Variants in OR51B6 observed in about 807,000 individuals in gnomAD.
The protein encoded by OR51B6 is olfactory receptor 51B6.
For synonymous variants in OR51B6, 154 were observed against 137.3 expected (o/e 1.12, Z -0.85); for missense variants, 502 against 382.2 (o/e 1.31, Z -2.61).
In OR51B6 at chr11:5,352,327, A is replaced by G; in HGVS notation, c.820A>G (p.Met274Val). The change falls in exon 1 of 1, where the codon ATG (methionine) becomes GTG (valine). Residue 274 changes from methionine to valine, a missense_variant. Transcript: ENST00000380219. The stretch of plus-strand genomic sequence containing the variant: ...TGTTCCTCATGTCGTTCACATCACA[A>G]TGAGCTACATCCACTTCCTTTTCCC... ...KHVPHVVHIT[M>V]SYIHFLFPPF... The G allele has an allele frequency of 3.1e-6, 5 of 1,613,960 alleles. No homozygotes were observed. The highest frequency in any genetic ancestry group is 1.3e-5 in the African/African-American group (1 of 75,054).
chr11:5,351,990 A>ACACTGG lies in OR51B6; in HGVS notation c.484_489dup (p.His162_Trp163dup). On this transcript the variant is annotated inframe_insertion, in exon 1 of 1. Transcript: ENST00000380219. The stretch of plus-strand genomic sequence containing the variant: ...CCATTATGCCAATAGTTGTTCGCCT[A>ACACTGG]CACTGGTTTCCCTACTGTCGATCCC... 1 of 1,613,524 alleles carries ACACTGG rather than the reference A, an allele frequency of 6.2e-7. No homozygotes were observed. Among genetic ancestry groups the ACACTGG allele is most frequent in the African/African-American group, 1.3e-5 (1 of 75,018 alleles).
chr11:5,352,302 T>C lies in OR51B6; in HGVS notation c.795T>C (p.His265=). The change falls in exon 1 of 1, where the codon CAT becomes CAC. Residue 265 remains histidine, a synonymous_variant. Coordinates refer to ENST00000380219, the MANE Select transcript of OR51B6 (RefSeq NM_001004750.1). ...CLTFIHRFGK[H]VPHVVHITMS... Reference sequence around the variant, plus strand: ...CATTTATTCATAGGTTTGGAAAGCATGTTCCTCATGTCGTTCACATCACAA... The same window carrying C: ...CATTTATTCATAGGTTTGGAAAGCACGTTCCTCATGTCGTTCACATCACAA... The C allele has an allele frequency of 6.2e-7, 1 of 1,614,208 alleles. No individual in the cohort carries two copies. The highest frequency in any genetic ancestry group is 8.5e-7 in the Non-Finnish European group (1 of 1,180,000).
rs1564916187 is a variant in OR51B6 at position 5,351,895 on chromosome 11, T to C, written c.388T>C (p.Tyr130His). ...CFITIRSPLR[Y>H]TSILTNTQVM... The stretch of plus-strand genomic sequence containing the variant: ...CATTACCATCCGCAGCCCCTTAAGA[T>C]ATACCTCTATCCTGACCAACACCCA... Residue 130 changes from tyrosine to histidine, a missense_variant, in exon 1 of 1, where the codon TAT (tyrosine) becomes CAT (histidine). Tyr to His is a moderately conservative substitution (Grantham distance 83, BLOSUM62 2). Transcript: ENST00000380219. 6.2e-7 allele frequency: 1 copy of C among 1,613,172 alleles called. No individual in the cohort carries two copies. The highest frequency in any genetic ancestry group is 2.2e-5 in the East Asian group (1 of 44,874).
Position 5,351,958 on chromosome 11 carries a change from G to C in OR51B6, c.451G>C (p.Gly151Arg). 1.2e-6 allele frequency: 2 copies of C among 1,612,914 alleles called. No individual in the cohort carries two copies. Among genetic ancestry groups the C allele is most frequent in the Non-Finnish European group, 1.7e-6 (2 of 1,178,988 alleles). Reference protein sequence around the residue: ...KIGVRVLTRAGLSIMPIVVRL... With the variant: ...KIGVRVLTRARLSIMPIVVRL... ...TGGTGTGCGGGTATTGACAAGGGCT[G>C]GTCTGTCCATTATGCCAATAGTTGT... The change falls in exon 1 of 1, where the codon GGT (glycine) becomes CGT (arginine). Residue 151 changes from glycine (G) to arginine (R), a missense_variant. Gly to Arg is a moderately radical substitution (Grantham distance 125). Coordinates refer to ENST00000380219, the MANE Select transcript of OR51B6 (RefSeq NM_001004750.1).
Position 5,352,398 on chromosome 11 carries a change from T to G in OR51B6, c.891T>G (p.Ile297Met). Residue 297 changes from isoleucine to methionine, a missense_variant, in exon 1 of 1, where the codon ATT becomes ATG. Transcript: ENST00000380219. ...PFIYSIKTKQ[I>M]QSGILRLFSL... ...TCTATAGCATTAAAACTAAGCAGAT[T>G]CAGAGTGGCATACTTCGTTTATTCT... 1 of 1,612,488 alleles carries G rather than the reference T, an allele frequency of 6.2e-7. No individual in the cohort carries two copies. Among genetic ancestry groups the G allele is most frequent in the South Asian group, 1.1e-5 (1 of 90,990 alleles).
In OR51B6 at chr11:5,351,838, G is replaced by T; in HGVS notation, c.331G>T (p.Gly111Cys). The change falls in exon 1 of 1, where the codon GGT becomes TGT. Residue 111 changes from glycine (G) to cysteine (C), a missense_variant. Coordinates refer to ENST00000380219, the MANE Select transcript of OR51B6 (RefSeq NM_001004750.1). ...FIHTLSVMES[G>C]VLLAMAYDCF... The stretch of plus-strand genomic sequence containing the variant: ...CCATACTCTTTCTGTCATGGAGTCA[G>T]GTGTCTTGCTTGCCATGGCTTATGA... 1 of 1,613,966 alleles carries T rather than the reference G, an allele frequency of 6.2e-7. No individual in the cohort carries two copies.
rs1589947164 is a variant in OR51B6, at chr11:5,351,537, C to G, written c.30C>G (p.Phe10Leu). The G allele has an allele frequency of 1.9e-6, 3 of 1,613,448 alleles. No homozygotes were observed. Among genetic ancestry groups the G allele is most frequent in the Non-Finnish European group, 8.5e-7 (1 of 1,179,690 alleles). The change falls in exon 1 of 1, where the codon TTC (phenylalanine) becomes TTG (leucine). Residue 10 changes from phenylalanine (F) to leucine (L), a missense_variant. Transcript: ENST00000380219. MGLNKSAST[F>L]QLTGFPGMEK... ...GGCTCAATAAGTCTGCTTCCACCTT[C>G]CAGCTTACTGGCTTCCCAGGCATGG...
Position 5,352,194 on chromosome 11 carries a change from A to G in OR51B6, c.687A>G (p.Gly229=). The G allele has an allele frequency of 6.2e-7, 1 of 1,614,098 alleles. No homozygotes were observed. The highest frequency in any genetic ancestry group is 8.5e-7 in the Non-Finnish European group (1 of 1,179,984). ...AGACTGTCATGGGCATTGGTTCTGG[A>G]GGAGAAAGGGCCAAGGCCCTCAACA... ...ILKTVMGIGS[G]GERAKALNTC... Residue 229 remains glycine, a synonymous_variant, in exon 1 of 1, where the codon GGA becomes GGG. Transcript: ENST00000380219.
Position 5,352,010 on chromosome 11 carries a change from G to C in OR51B6, c.503G>C (p.Arg168Pro). The change falls in exon 1 of 1, where the codon CGA becomes CCA. Residue 168 changes from arginine to proline, a missense_variant. Transcript: ENST00000380219. ...VVRLHWFPYC[R>P]SHVLSHAFCL... ...CGCCTACACTGGTTTCCCTACTGTC[G>C]ATCCCATGTACTCTCCCATGCTTTC... 1 of 1,613,624 alleles carries C rather than the reference G, an allele frequency of 6.2e-7. No homozygotes were observed. The highest frequency in any genetic ancestry group is 8.5e-7 in the Non-Finnish European group (1 of 1,179,648).
In OR51B6 at chr11:5,351,626, A is replaced by G. The variant is rs4910756; in HGVS notation, c.119A>G (p.Asn40Ser). The change falls in exon 1 of 1, where the codon AAT (asparagine) becomes AGT (serine). Residue 40 changes from asparagine to serine, a missense_variant. Transcript: ENST00000380219. Reference sequence around the variant, plus strand: ...GCCTACATCTCCATACTTCTTGGCAATGGCACTCTTCTCTTTCTCATCAGG... The same window carrying G: ...GCCTACATCTCCATACTTCTTGGCAGTGGCACTCTTCTCTTTCTCATCAGG... ...LAAYISILLGNGTLLFLIRND... is the reference protein window; with the variant it reads ...LAAYISILLGSGTLLFLIRND... The G allele has an allele frequency of 0.19, 313,281 of 1,613,622 alleles. 32,242 individuals are homozygous for G. Among genetic ancestry groups the G allele is most frequent in the African/African-American group, 0.21 (15,797 of 74,938 alleles).
chr11:5,352,105 G>C lies in OR51B6; in HGVS notation c.598G>C (p.Val200Leu), dbSNP rs768274501. 6.2e-7 allele frequency: 1 copy of C among 1,614,120 alleles called. No homozygotes were observed. The highest frequency in any genetic ancestry group is 1.1e-5 in the South Asian group (1 of 91,080). Residue 200 changes from valine (V) to leucine (L), a missense_variant, in exon 1 of 1, where the codon GTT (valine) becomes CTT (leucine). Val to Leu is a conservative substitution (Grantham distance 32). Coordinates refer to ENST00000380219, the MANE Select transcript of OR51B6 (RefSeq NM_001004750.1). ...CTTCAACCGTCTCTATCCAGTTGTA[G>C]TTTTATTTGCAATGGTCTTGTTGGA... Reference protein sequence around the residue: ...ITFNRLYPVVVLFAMVLLDFL... With the variant: ...ITFNRLYPVVLLFAMVLLDFL...
Position 5,351,995 on chromosome 11 carries a change from G to T in OR51B6, c.488G>T (p.Trp163Leu), listed in dbSNP as rs1187337780. Residue 163 changes from tryptophan to leucine, a missense_variant, in exon 1 of 1, where the codon TGG (tryptophan) becomes TTG (leucine). Coordinates refer to ENST00000380219, the MANE Select transcript of OR51B6 (RefSeq NM_001004750.1). Reference sequence around the variant, plus strand: ...ATGCCAATAGTTGTTCGCCTACACTGGTTTCCCTACTGTCGATCCCATGTA... The same window carrying T: ...ATGCCAATAGTTGTTCGCCTACACTTGTTTCCCTACTGTCGATCCCATGTA... The part of the protein sequence containing the change: ...SIMPIVVRLH[W>L]FPYCRSHVLS... 6.2e-7 allele frequency: 1 copy of T among 1,613,406 alleles called. No individual in the cohort carries two copies. Among genetic ancestry groups the T allele is most frequent in the African/African-American group, 1.3e-5 (1 of 74,886 alleles).
chr11:5,351,634 C>T lies in OR51B6; in HGVS notation c.127C>T (p.Leu43Phe), dbSNP rs753261090. The T allele has an allele frequency of 3.7e-6, 6 of 1,614,090 alleles. No individual in the cohort carries two copies. The South Asian group carries it at 6.6e-5, about 18-fold the overall frequency. Residue 43 changes from leucine (L) to phenylalanine (F), a missense_variant, in exon 1 of 1, where the codon CTT becomes TTT. By Grantham distance (22) the Leu-to-Phe change is conservative. Transcript: ENST00000380219. ...CTCCATACTTCTTGGCAATGGCACTCTTCTCTTTCTCATCAGGAATGATCA... is the reference window on the plus strand; with the variant it reads ...CTCCATACTTCTTGGCAATGGCACTTTTCTCTTTCTCATCAGGAATGATCA... ...YISILLGNGT[L>F]LFLIRNDHNL...
In OR51B6 at chr11:5,351,904, AT is replaced by A; in HGVS notation, c.398del (p.Ile133ThrfsTer2). ...TIRSPLRYTSILTNTQVMKIG... is the reference protein window; with the variant it reads ...TIRSPLRYTSXLTNTQVMKIG... ...CCGCAGCCCCTTAAGATATACCTCT[AT>A]CCTGACCAACACCCAGGTAATGAAG... On this transcript the variant is annotated frameshift_variant, in exon 1 of 1. Coordinates refer to ENST00000380219, the MANE Select transcript of OR51B6 (RefSeq NM_001004750.1). LOFTEE classifies it low-confidence loss of function (END_TRUNC). 6.2e-7 allele frequency: 1 copy of A among 1,613,178 alleles called. No homozygotes were observed. The highest frequency in any genetic ancestry group is 8.5e-7 in the Non-Finnish European group (1 of 1,179,192).
Position 5,352,441 on chromosome 11 carries a change from G to A in OR51B6, c.934G>A (p.Ala312Thr). Residue 312 changes from alanine to threonine, a missense_variant, in exon 1 of 1, where the codon GCA (alanine) becomes ACA (threonine). Transcript: ENST00000380219. ...LRLFSLPHSR[A>T] ...TTTATTCTCTCTGCCTCACTCTAGA[G>A]CATGACATTGTTTCACTGGTCTCTG... The A allele has an allele frequency of 6.4e-7, 1 of 1,574,692 alleles. No homozygotes were observed. Among genetic ancestry groups the A allele is most frequent in the Non-Finnish European group, 8.7e-7 (1 of 1,155,178 alleles).
rs201384979 is a variant in OR51B6 at position 5,351,746 on chromosome 11, T to C, written c.239T>C (p.Leu80Pro). 7.3e-5 allele frequency: 117 copies of C among 1,613,766 alleles called. No homozygotes were observed. Among genetic ancestry groups the C allele is most frequent in the Non-Finnish European group, 2.5e-6 (3 of 1,179,836 alleles). ...GVTLTTMPTV[L>P]GVLWLDHREI... Reference sequence around the variant, plus strand: ...ACATTGACCACAATGCCCACAGTGCTAGGTGTTCTGTGGTTAGATCACAGG... The same window carrying C: ...ACATTGACCACAATGCCCACAGTGCCAGGTGTTCTGTGGTTAGATCACAGG... Residue 80 changes from leucine (L) to proline (P), a missense_variant, in exon 1 of 1, where the codon CTA becomes CCA. Leu to Pro is a moderately conservative substitution (Grantham distance 98). Transcript: ENST00000380219.
Position 5,352,415 on chromosome 11 carries a change from G to A in OR51B6, c.908G>A (p.Arg303His), listed in dbSNP as rs180742146. The A allele has an allele frequency of 3.6e-4, 574 of 1,608,456 alleles. 3 individuals are homozygous for A. The East Asian group carries it at 0.01, about 29-fold the overall frequency. The change falls in exon 1 of 1, where the codon CGT (arginine) becomes CAT (histidine). Residue 303 changes from arginine (R) to histidine (H), a missense_variant. Physicochemically the swap from Arg to His is conservative, Grantham distance 29. Transcript: ENST00000380219. The part of the protein sequence containing the change: ...KTKQIQSGIL[R>H]LFSLPHSRA ...AAGCAGATTCAGAGTGGCATACTTC[G>A]TTTATTCTCTCTGCCTCACTCTAGA...
Position 5,351,562 on chromosome 11 carries a change from G to T in OR51B6, c.55G>T (p.Glu19Ter). Residue 19 changes from glutamate to a stop codon, truncating the protein, a stop_gained, in exon 1 of 1, where the codon GAG becomes TAG. Transcript: ENST00000380219. LOFTEE classifies it low-confidence loss of function (END_TRUNC). ...CCAGCTTACTGGCTTCCCAGGCATGGAGAAGGCACATCACTGGATATTCAT... is the reference window on the plus strand; with the variant it reads ...CCAGCTTACTGGCTTCCCAGGCATGTAGAAGGCACATCACTGGATATTCAT... ...TFQLTGFPGM[E>*]KAHHWIFIPL... is the part of the protein sequence containing the mutation. 1 of 1,614,012 alleles carries T rather than the reference G, an allele frequency of 6.2e-7. No homozygotes were observed. The highest frequency in any genetic ancestry group is 8.5e-7 in the Non-Finnish European group (1 of 1,179,956).
In OR51B6 at chr11:5,351,718, G is replaced by A. The variant is rs1254066501; in HGVS notation, c.211G>A (p.Val71Met). 3.7e-6 allele frequency: 6 copies of A among 1,613,998 alleles called. No homozygotes were observed. The Admixed American group carries it at 6.7e-5, about 18-fold the overall frequency. The change falls in exon 1 of 1, where the codon GTG (valine) becomes ATG (methionine). Residue 71 changes from valine to methionine, a missense_variant. Val to Met is a conservative substitution (Grantham distance 21). Transcript: ENST00000380219. ...TATGTTGGCAGCTACAGACCTCGGA[G>A]TGACATTGACCACAATGCCCACAGT... is the stretch of plus-strand genomic sequence containing the variant. ...LAMLAATDLG[V>M]TLTTMPTVLG...
Sources: gnomAD v4.1 joint callset for allele counts on GRCh38, gnomAD v4.1.1 for gene constraint, MANE v1.5 for transcripts, NCBI Gene and HGNC (gene_info 2026-07-23, HGNC 2026-07-21) for gene names.